ANKHD1: variants seen among roughly 807,000 people sequenced by gnomAD.
ANKHD1 encodes the protein ankyrin repeat and KH domain-containing protein 1.
ANKHD1 carries 31 observed loss-of-function variants against 230.5 expected under a neutral mutation model. The ratio of observed to expected loss-of-function variants is 0.13; its 90% CI spans 0.10 to 0.18. ANKHD1 has a LOEUF of 0.18. Among genes scored for constraint, ANKHD1 ranks in the 10% least tolerant of loss-of-function variants. The pLI is 1.00. For synonymous variants in ANKHD1, 1,074 were observed against 1,117.6 expected (o/e 0.96, Z 0.78); for missense variants, 2,256 against 3,071.3 (o/e 0.73, Z 6.27).
chr5:140,423,065 A>G (rs1025089731), intron 1 of ANKHD1, among the ~76,000 whole-genome samples: 8 of 151,480 alleles, frequency 5.3e-5, no homozygotes, highest in Non-Finnish European at 1.0e-4. Context: ...ACACTCAGCT[A>G]ATTTTAAAAT....
intron 22 of ANKHD1, among the ~76,000 whole-genome samples, chr5:140,511,422 A>C (rs1421163607): frequency 6.6e-6 from 1 of 152,098 alleles, no homozygotes; most frequent in East Asian, 1.9e-4. Context: ...CACCTAGCTC[A>C]CCTCTCTACT....
chr5:140,417,833 C>CTTT lies in ANKHD1; in HGVS notation c.306+15579_306+15581dup, dbSNP rs35322010. Among the ~76,000 whole-genome samples the CTTT allele has an allele frequency of 1.4e-3, 148 of 106,808 alleles. 1 individual carries two copies. The highest frequency in any genetic ancestry group is 2.0e-3 in the East Asian group (7 of 3,528). The allele number at this position is 106,808 out of a possible 152,430, so 70.1% of individuals were successfully genotyped here. On this transcript the variant is annotated intron_variant, in intron 1 of 33. Coordinates refer to ENST00000360839, the MANE Select transcript of ANKHD1 (RefSeq NM_017747.3). ...GTACAAGGAACTTTTCCCATATAGT[C>CTTT]TTTTTTTTTTTTTTTTTTTTTGAGA...
Position 140,524,259 on chromosome 5 carries a change from G to GA in ANKHD1, c.4492+21dup, listed in dbSNP as rs1255467052. The GA allele has an allele frequency of 4.5e-6, 7 of 1,543,834 alleles. No homozygotes were observed. The highest frequency in any genetic ancestry group is 6.1e-6 in the Non-Finnish European group (7 of 1,156,012). On this transcript the variant is annotated intron_variant, in intron 25 of 33. Transcript: ENST00000360839. Reference sequence around the variant, plus strand: ...GAAGATGGTGAGAAACAAACCATCTGAATTAACGATAAAATTCTCCTTTGT... The same window carrying GA: ...GAAGATGGTGAGAAACAAACCATCTGAAATTAACGATAAAATTCTCCTTTGT...
intron 1 of ANKHD1, among the ~76,000 whole-genome samples, chr5:140,424,324 T>A (rs1772232890): frequency 6.6e-6 from 1 of 152,080 alleles, no homozygotes; most frequent in African/African-American, 2.4e-5. Flanking sequence ...TGTTCTGTCA[T>A]CCAGGCTGGA....
At position 140,539,446 on chromosome 5, in the gene ANKHD1, G is replaced by T; in HGVS notation, c.*28G>T. The T allele has an allele frequency of 6.2e-7, 1 of 1,602,322 alleles. No homozygotes were observed. The highest frequency in any genetic ancestry group is 8.5e-7 in the Non-Finnish European group (1 of 1,174,632). On this transcript the variant is annotated 3_prime_UTR_variant, in exon 34 of 34. Transcript: ENST00000360839. ...TAGAAGGTCTTTACTCTTTAGCCTT[G>T]TTTAAGAAACCTATGACCTTGGAAG...
At chr5:140,486,792 C>A in intron 13 of ANKHD1, 166 bp from the exon 14 acceptor site, 2 of 544,482 alleles carry the variant, frequency 3.7e-6, no homozygotes, top group Non-Finnish European at 6.1e-6. Context: ...AATCATTAGT[C>A]TCAAAAATTA....
intron 20 of ANKHD1, among the ~76,000 whole-genome samples, 177 bp from the exon 21 acceptor site, chr5:140,509,460 T>G (rs1752669978): frequency 6.6e-6 from 1 of 152,212 alleles, no homozygotes; most frequent in African/African-American, 2.4e-5. Context: ...TACTGCTGTT[T>G]AGTAAAATTC....
chr5:140,492,973 A>AGATTT (rs200704382), intron 14 of ANKHD1, among the ~76,000 whole-genome samples: 2,300 of 152,292 alleles, frequency 0.015, 59 homozygotes, highest in African/African-American at 0.052. Context: ...CTTCTAATAC[A>AGATTT]GATTTTTTCT....
chr5:140,401,874 C>A lies in ANKHD1; in HGVS notation c.-94C>A, dbSNP rs1449227897. On this transcript the variant is annotated 5_prime_UTR_variant, in exon 1 of 34. Transcript: ENST00000360839. ...CGCTGCTGGGACGGGGGAAAGGAGA[C>A]GCTTCTTCCTCTTGCTGCTCTTCTC... 6.9e-7 allele frequency: 1 copy of A among 1,455,034 alleles called. No individual in the cohort carries two copies. The highest frequency in any genetic ancestry group is 9.0e-7 in the Non-Finnish European group (1 of 1,109,778). The allele number at this position is 1,455,034 out of a possible 1,614,324, so 90.1% of individuals were successfully genotyped here.
intron 1 of ANKHD1, among the ~76,000 whole-genome samples, chr5:140,412,211 T>G (rs954241753): frequency 6.6e-6 from 1 of 151,992 alleles, no homozygotes; most frequent in Admixed American, 6.6e-5. Flanking sequence ...TAATTTGTTG[T>G]ATTTTTAGTA....
At chr5:140,409,239 T>C (rs974930237) in intron 1 of ANKHD1, among the ~76,000 whole-genome samples, 6 of 152,158 alleles carry the variant, frequency 3.9e-5, no homozygotes, top group Non-Finnish European at 8.8e-5. Flanking sequence ...AAGGGAGAAA[T>C]AGAAGGTACT....
intron 29 of ANKHD1, among the ~76,000 whole-genome samples, chr5:140,530,195 T>C (rs1282044152): frequency 2.0e-5 from 3 of 151,904 alleles, no homozygotes; most frequent in African/African-American, 7.2e-5. Context: ...TTATGTATTT[T>C]ATTTTTTATT....
rs1754208330 is a variant in ANKHD1 at position 140,539,362 on chromosome 5, T to C, written c.7573T>C (p.Trp2525Arg). Residue 2525 changes from tryptophan to arginine, a missense_variant, in exon 34 of 34, where the codon TGG (tryptophan) becomes CGG (arginine). By Grantham distance (101) the Trp-to-Arg change is moderately radical. This residue lies in a region of ANKHD1 where 778 missense variants were observed against 966.5 expected (regional missense o/e 0.80). Transcript: ENST00000360839. ...AATTTTTCCTCCCCCTTTTCAGATT[T>C]GGCCTGGCACGTGGGCACCTCATAT... ...STECTDAQQI[W>R]PGTWAPHIGN... 6.2e-7 allele frequency: 1 copy of C among 1,613,758 alleles called. No homozygotes were observed. The highest frequency in any genetic ancestry group is 1.3e-5 in the African/African-American group (1 of 74,928).
intron 23 of ANKHD1, 111 bp downstream of exon 23, chr5:140,513,034 C>G: frequency 9.5e-7 from 1 of 1,055,078 alleles, no homozygotes; most frequent in East Asian, 2.6e-5. Context: ...GTCACCTGAT[C>G]TCTTTATGCG....
chr5:140,502,474 A>G (rs1181416840), intron 15 of ANKHD1, among the ~76,000 whole-genome samples: 1 of 152,220 alleles, frequency 6.6e-6, no homozygotes, highest in East Asian at 1.9e-4. Context: ...ACATTCTGGC[A>G]TAGCACTCTA....
intron 1 of ANKHD1, among the ~76,000 whole-genome samples, chr5:140,409,910 T>G (rs2126844601): frequency 6.6e-6 from 1 of 152,278 alleles, no homozygotes; most frequent in Middle Eastern, 3.4e-3. Flanking sequence ...ATGTAAAGCC[T>G]TAAGACTTTA....
intron 1 of ANKHD1, among the ~76,000 whole-genome samples, chr5:140,409,180 G>T (rs1025756732): frequency 6.6e-6 from 1 of 152,176 alleles, no homozygotes; most frequent in Non-Finnish European, 1.5e-5. Context: ...TAAACAAGGT[G>T]AGTCACTGCT....
intron 1 of ANKHD1, among the ~76,000 whole-genome samples, chr5:140,419,733 T>C (rs1771719323): frequency 1.3e-5 from 2 of 151,760 alleles, no homozygotes; most frequent in South Asian, 4.2e-4. Flanking sequence ...TTTCTTTCTT[T>C]CTCTCTCTCT....
At chr5:140,493,654 GAT>G (rs1027538111) in intron 14 of ANKHD1, among the ~76,000 whole-genome samples, 2 of 152,100 alleles carry the variant, frequency 1.3e-5, no homozygotes, top group African/African-American at 4.8e-5. Context: ...TTAGTCCTTT[GAT>G]GTGTCTTTAG....
Sources: allele counts gnomAD v4.1 joint callset (sites outside exome capture counted in the v4.1 genomes callset), GRCh38; gene constraint gnomAD v4.1.1; regional missense constraint gnomAD v4.1.1; transcripts MANE v1.5; gene names NCBI Gene and HGNC (gene_info 2026-07-23, HGNC 2026-07-21).